SLC1A1: variants seen among roughly 807,000 people sequenced by gnomAD.
SLC1A1 encodes the protein excitatory amino acid transporter 3.
Under a neutral mutation model 53.3 loss-of-function variants are expected in SLC1A1, and 43 were observed. The ratio of observed to expected loss-of-function variants is 0.81; its 90% CI spans 0.63 to 1.04. SLC1A1 has a LOEUF of 1.04. Ranked by LOEUF, SLC1A1 falls within the 50% of genes least tolerant of loss-of-function variation. The pLI is 0.00. For synonymous variants in SLC1A1, 307 were observed against 243.2 expected (o/e 1.26, Z -2.44); for missense variants, 748 against 664.9 (o/e 1.12, Z -1.37).
chr9:4,559,547 T>TA (rs140413083), intron 2 of SLC1A1, among the ~76,000 whole-genome samples: 3 of 151,650 alleles, frequency 2.0e-5, no homozygotes, highest in South Asian at 2.1e-4. Context: ...CCCAGTCACT[T>TA]AAAAAAAATG....
rs1003010304 is a variant in SLC1A1, at chr9:4,576,238, A to C, written c.998+115A>C. ...TTTTTGTAGCTGTCTTTGAGAAATGACCTCCGTATTCTCGGCCCCTGGCCC... is the reference window on the plus strand; with the variant it reads ...TTTTTGTAGCTGTCTTTGAGAAATGCCCTCCGTATTCTCGGCCCCTGGCCC... On this transcript the variant is annotated intron_variant, in intron 9 of 11. Coordinates refer to ENST00000262352, the MANE Select transcript of SLC1A1 (RefSeq NM_004170.6). 1.0e-5 allele frequency: 10 copies of C among 1,003,266 alleles called. 1 individual carries two copies. The African/African-American group carries it at 1.4e-4, about 14-fold the overall frequency. The allele number at this position is 1,003,266 out of a possible 1,614,324, so 62.1% of individuals were successfully genotyped here.
chr9:4,580,651 G>GTATGTGTGTGTGTA (rs1554690422), intron 10 of SLC1A1, among the ~76,000 whole-genome samples: 1 of 118,840 alleles, frequency 8.4e-6, no homozygotes, highest in African/African-American at 3.3e-5. Flanking sequence ...GTGTGTGTGT[G>GTATGTGTGTGTGTA]TATAAGGAAT....
chr9:4,578,039 T>G (rs570756277), intron 10 of SLC1A1, among the ~76,000 whole-genome samples: 14 of 152,200 alleles, frequency 9.2e-5, no homozygotes, highest in African/African-American at 3.4e-4. Context: ...CAGGAACGAG[T>G]GTAAGAGAAG....
intron 1 of SLC1A1, among the ~76,000 whole-genome samples, chr9:4,529,011 T>C (rs1028438352): frequency 2.6e-5 from 4 of 152,102 alleles, no homozygotes; most frequent in Admixed American, 2.6e-4. Context: ...AGAACTTCAC[T>C]TTCTTCCTCA....
chr9:4,554,682 G>A (rs547223373), intron 2 of SLC1A1, among the ~76,000 whole-genome samples: 161 of 152,308 alleles, frequency 1.1e-3, no homozygotes, highest in African/African-American at 3.7e-3. Context: ...GAGGCAGGCA[G>A]GTGCCTCCCC....
chr9:4,507,805 G>A (rs542672315), intron 1 of SLC1A1, among the ~76,000 whole-genome samples: 1 of 152,248 alleles, frequency 6.6e-6, no homozygotes, highest in African/African-American at 2.4e-5. Context: ...CCCAGAGGTC[G>A]ATCTGATCTT....
chr9:4,580,269 A>C (rs1440729538), intron 10 of SLC1A1, among the ~76,000 whole-genome samples: 1 of 151,950 alleles, frequency 6.6e-6, no homozygotes, highest in Non-Finnish European at 1.5e-5. Context: ...GAAAAGAAAA[A>C]GAAAGAAAGA....
intron 1 of SLC1A1, among the ~76,000 whole-genome samples, chr9:4,542,886 T>G (rs983335886): frequency 2.6e-5 from 4 of 152,232 alleles, no homozygotes; most frequent in African/African-American, 7.2e-5. Context: ...TTGTCTTAGC[T>G]ACAATTTGGG....
intron 1 of SLC1A1, among the ~76,000 whole-genome samples, chr9:4,514,457 G>A (rs1228993546): frequency 1.3e-5 from 2 of 152,208 alleles, no homozygotes; most frequent in African/African-American, 4.8e-5. Flanking sequence ...AGCCTCCCTG[G>A]TTATCTGGCT....
Position 4,566,069 on chromosome 9 carries a change from G to T in SLC1A1, c.463G>T (p.Val155Phe). The T allele has an allele frequency of 1.2e-6, 2 of 1,613,456 alleles. No individual in the cohort carries two copies. The highest frequency in any genetic ancestry group is 1.7e-6 in the Non-Finnish European group (2 of 1,179,500). The change falls in exon 5 of 12, where the codon GTC becomes TTC. Residue 155 changes from valine (V) to phenylalanine (F), a missense_variant. Physicochemically the swap from Val to Phe is conservative, Grantham distance 50 (BLOSUM62 -1). Transcript: ENST00000262352. ...LIRNMFPENL[V>F]QACFQQYKTK... ...CAGGAATATGTTCCCTGAGAATCTT[G>T]TCCAGGCCTGTTTTCAGCAGGTAAT...
intron 10 of SLC1A1, among the ~76,000 whole-genome samples, chr9:4,582,055 A>G (rs1246559677): frequency 6.6e-6 from 1 of 152,228 alleles, no homozygotes; most frequent in African/African-American, 2.4e-5. Flanking sequence ...CCTTGGCCCA[A>G]GGGCAAGGAC....
At chr9:4,572,558 T>G (rs183005740) in intron 7 of SLC1A1, among the ~76,000 whole-genome samples, 170 bp downstream of exon 7, 2 of 152,338 alleles carry the variant, frequency 1.3e-5, no homozygotes, top group Non-Finnish European at 2.9e-5. Flanking sequence ...TCTTTGTTTT[T>G]GTTTTAGAGG....
At chr9:4,533,327 G>T (rs1345797624) in intron 1 of SLC1A1, among the ~76,000 whole-genome samples, 2 of 152,098 alleles carry the variant, frequency 1.3e-5, no homozygotes, top group South Asian at 2.1e-4. Context: ...CCATCTCATG[G>T]GCAGAGACAC....
chr9:4,573,856 T>C (rs1432749235), intron 7 of SLC1A1, 51 bp from the exon 8 acceptor site: 1 of 1,285,460 alleles, frequency 7.8e-7, no homozygotes, highest in Admixed American at 1.7e-5. Flanking sequence ...CAACCTAGCA[T>C]GAGAAAGCAC....
chr9:4,571,388 A>T (rs1355273694), intron 6 of SLC1A1, among the ~76,000 whole-genome samples: 1 of 152,144 alleles, frequency 6.6e-6, no homozygotes, highest in Non-Finnish European at 1.5e-5. Context: ...TTTTTAAAAA[A>T]ATCCTGGCTG....
chr9:4,558,460 C>G (rs1027046154), intron 2 of SLC1A1, among the ~76,000 whole-genome samples: 10 of 152,074 alleles, frequency 6.6e-5, no homozygotes, highest in Middle Eastern at 3.2e-3. Flanking sequence ...AACAAAGACC[C>G]GTGCTGAAAG....
chr9:4,498,253 T>C (rs569966439), intron 1 of SLC1A1, among the ~76,000 whole-genome samples: 1 of 152,370 alleles, frequency 6.6e-6, no homozygotes, highest in South Asian at 2.1e-4. Context: ...TTTGAACTGC[T>C]GATCAGTGAC....
intron 1 of SLC1A1, among the ~76,000 whole-genome samples, chr9:4,536,305 G>A (rs1398948366): frequency 4.6e-5 from 7 of 151,744 alleles, no homozygotes; most frequent in Non-Finnish European, 1.0e-4. Flanking sequence ...TCTCACAAAG[G>A]GCTAATACCC....
chr9:4,577,652 T>TTTTAG (rs1310427086), intron 10 of SLC1A1, among the ~76,000 whole-genome samples: 1 of 152,062 alleles, frequency 6.6e-6, no homozygotes, highest in African/African-American at 2.4e-5. Flanking sequence ...ATTTTTGAAT[T>TTTTAG]TTTAGTAGAG....
Sources: allele counts gnomAD v4.1 joint callset (sites outside exome capture counted in the v4.1 genomes callset), GRCh38; gene constraint gnomAD v4.1.1; transcripts MANE v1.5; gene names NCBI Gene and HGNC (gene_info 2026-07-23, HGNC 2026-07-21).